OCA2: variants seen among roughly 807,000 people sequenced by gnomAD.
The protein encoded by OCA2 is OCA2 melanosomal transmembrane protein, also known as P protein.
In OCA2, 77 loss-of-function variants were observed where a neutral mutation model predicts 100.2. The ratio of observed to expected loss-of-function variants is 0.77; its 90% confidence interval spans 0.64 to 0.93. The LOEUF (loss-of-function observed/expected upper bound fraction) is 0.93, where lower values mean the gene tolerates loss of function less well. Among genes scored for constraint, OCA2 ranks in the 40% least tolerant of loss-of-function variants. OCA2 has a pLI of 0.00. For missense variants in OCA2, 1,062 were observed against 1,089.1 expected, an observed-to-expected ratio of 0.98 and a Z score of 0.35; for synonymous variants, 432 against 439.2, an observed-to-expected ratio of 0.98 and a Z score of 0.21.
At chr15:27,762,834 A>T (rs1456553699) in intron 23 of OCA2, among the ~76,000 whole-genome samples, 1 of 152,202 alleles carries the variant, frequency 6.6e-6, no homozygotes, top group Admixed American at 6.5e-5. Context: ...AGAGCCAAAA[A>T]TCTCATGCTG....
intron 21 of OCA2, among the ~76,000 whole-genome samples, chr15:27,863,126 C>T (rs552359900): frequency 1.3e-4 from 20 of 152,202 alleles, no homozygotes; most frequent in African/African-American, 3.4e-4. Flanking sequence ...GAGGCTGCAA[C>T]TAACTGGGCA....
chr15:27,847,532 G>A (rs1461943205), intron 22 of OCA2, among the ~76,000 whole-genome samples: 1 of 152,138 alleles, frequency 6.6e-6, no homozygotes, highest in African/African-American at 2.4e-5. Flanking sequence ...AGGAGGCCCT[G>A]GAGAGGAGGC....
chr15:27,778,192 G>C (rs921289251), intron 23 of OCA2, among the ~76,000 whole-genome samples: 4 of 152,148 alleles, frequency 2.6e-5, no homozygotes, highest in Non-Finnish European at 4.4e-5. Context: ...TTAATTTTTA[G>C]TATCAAACCT....
At chr15:27,875,740 T>C (rs1230261609) in intron 19 of OCA2, among the ~76,000 whole-genome samples, 1 of 152,080 alleles carries the variant, frequency 6.6e-6, no homozygotes, top group African/African-American at 2.4e-5. Context: ...GCATACTTTT[T>C]TTTTAAGGTT....
chr15:27,902,812 T>C (rs1008556138), intron 19 of OCA2, among the ~76,000 whole-genome samples: 2 of 152,200 alleles, frequency 1.3e-5, no homozygotes, highest in Admixed American at 6.5e-5. Flanking sequence ...GACCTGGCCT[T>C]TGGGGAGGCG....
chr15:27,936,900 G>T (rs2039473894), intron 18 of OCA2, among the ~76,000 whole-genome samples: 1 of 152,208 alleles, frequency 6.6e-6, no homozygotes. Flanking sequence ...ATTTAAAAGA[G>T]TTGAGGTTGG....
chr15:27,949,946 C>T (rs1595703325), intron 18 of OCA2, among the ~76,000 whole-genome samples: 1 of 152,026 alleles, frequency 6.6e-6, no homozygotes, highest in South Asian at 2.1e-4. Context: ...TAACTAAAAA[C>T]AAAACAGGAT....
At chr15:27,936,151 C>T (rs1255868378) in intron 18 of OCA2, among the ~76,000 whole-genome samples, 1 of 152,232 alleles carries the variant, frequency 6.6e-6, no homozygotes, top group East Asian at 1.9e-4. Flanking sequence ...CACAGCTACA[C>T]TGTGGTTGTT....
Position 28,016,134 on chromosome 15 carries a change from A to G in OCA2, c.860T>C (p.Val287Ala). ...CAGTACCTCAAAGGTCCTGCTCATC[A>G]CTGAGTGCTCGCTTCTCCTCGGATT... Reference protein sequence around the residue: ...YLNPRRSEHSVMSRTFEVLTR... With the variant: ...YLNPRRSEHSAMSRTFEVLTR... The change falls in exon 8 of 24, where the codon GTG (valine) becomes GCG (alanine). Residue 287 changes from valine to alanine, a missense_variant. Coordinates refer to ENST00000354638, the MANE Select transcript of OCA2 (RefSeq NM_000275.3). 1.2e-6 allele frequency: 2 copies of G among 1,614,112 alleles called. No homozygotes were observed. Among genetic ancestry groups the G allele is most frequent in the South Asian group, 1.1e-5 (1 of 91,084 alleles).
chr15:27,931,317 C>CTATT (rs758201489), intron 18 of OCA2, among the ~76,000 whole-genome samples: 2 of 151,860 alleles, frequency 1.3e-5, no homozygotes, highest in South Asian at 2.1e-4. Context: ...TTTATTTTAT[C>CTATT]TATTTATTTA....
At chr15:27,921,621 C>T (rs1457898871) in intron 19 of OCA2, among the ~76,000 whole-genome samples, 1 of 152,230 alleles carries the variant, frequency 6.6e-6, no homozygotes, top group African/African-American at 2.4e-5. Flanking sequence ...TAAATTTTGA[C>T]TCCCCCAGAT....
intron 19 of OCA2, among the ~76,000 whole-genome samples, chr15:27,925,479 C>A (rs1468351641): frequency 6.6e-6 from 1 of 151,940 alleles, no homozygotes; most frequent in African/African-American, 2.4e-5. Flanking sequence ...TTGAAATAAC[C>A]CATAAGTCAA....
At chr15:27,722,231 T>G in the OCA2 span, among the ~76,000 whole-genome samples, 1 of 152,260 alleles carries the variant, frequency 6.6e-6, no homozygotes, top group Non-Finnish European at 1.5e-5. Flanking sequence ...TCTATTTTTC[T>G]GTGGTAAATA....
chr15:27,793,352 TC>T (rs1469729746), intron 23 of OCA2, among the ~76,000 whole-genome samples: 1 of 151,876 alleles, frequency 6.6e-6, no homozygotes, highest in Non-Finnish European at 1.5e-5. Flanking sequence ...TCTATACTCT[TC>T]CGGGATTTTT....
chr15:28,063,825 T>G (rs2043947194), intron 2 of OCA2, among the ~76,000 whole-genome samples: 1 of 152,178 alleles, frequency 6.6e-6, no homozygotes, highest in Admixed American at 6.5e-5. Context: ...ATGAAGGAGT[T>G]GCATAGAAAA....
At chr15:27,794,616 G>A (rs1307429515) in intron 23 of OCA2, among the ~76,000 whole-genome samples, 2 of 152,162 alleles carry the variant, frequency 1.3e-5, no homozygotes, top group Admixed American at 6.5e-5. Flanking sequence ...ATCACTGTAC[G>A]TTAGATAAAA....
At chr15:27,908,877 C>G (rs766355298) in intron 19 of OCA2, among the ~76,000 whole-genome samples, 17 of 152,176 alleles carry the variant, frequency 1.1e-4, no homozygotes, top group Non-Finnish European at 1.9e-4. Flanking sequence ...TTTGCATAAA[C>G]AGTCTAGGCA....
At chr15:27,813,558 A>G (rs2034164012) in intron 23 of OCA2, among the ~76,000 whole-genome samples, 1 of 152,230 alleles carries the variant, frequency 6.6e-6, no homozygotes. Context: ...CAGAGTAAAA[A>G]GGAATAAAAG....
At position 27,955,232 on chromosome 15, in the gene OCA2, G is replaced by A. The variant is rs368420440; in HGVS notation, c.1785-17C>T. The A allele has an allele frequency of 5.6e-5, 89 of 1,590,394 alleles. No individual in the cohort carries two copies. Among genetic ancestry groups the A allele is most frequent in the African/African-American group, 3.9e-4 (29 of 74,534 alleles). ...GAGATCTGTCTAAAAGAGAAAAGAA[G>A]AGACTCATTACTTCCCTGGTCACGC... On this transcript the variant is annotated splice_polypyrimidine_tract_variant and intron_variant, in intron 16 of 23. Transcript: ENST00000354638.
Sources: allele counts gnomAD v4.1 joint callset (sites outside exome capture counted in the v4.1 genomes callset), GRCh38; gene constraint gnomAD v4.1.1; transcripts MANE v1.5; gene names NCBI Gene and HGNC (gene_info 2026-07-23, HGNC 2026-07-21).